The following SPIRE2 variants were observed in gnomAD, a reference collection of about 807,000 sequenced individuals.
SPIRE2 encodes protein spire homolog 2.
In SPIRE2, 76 loss-of-function variants were observed where a neutral mutation model predicts 80.7. The ratio of observed to expected loss-of-function variants is 0.94; its 90% CI spans 0.78 to 1.14. The LOEUF (loss-of-function observed/expected upper bound fraction) is 1.14, where lower values mean the gene tolerates loss of function less well. Among genes scored for constraint, SPIRE2 ranks in the 50% most tolerant of loss-of-function variants. The pLI, the probability that SPIRE2 is intolerant of heterozygous loss-of-function variation, is 0.00. For missense variants in SPIRE2, 1,196 were observed against 1,015.3 expected, an observed-to-expected ratio of 1.18 and a Z score of -2.42; for synonymous variants, 535 against 432.6, an observed-to-expected ratio of 1.24 and a Z score of -2.94.
Position 89,867,451 on chromosome 16 carries a change from G to A in SPIRE2, c.1779-738G>A, listed in dbSNP as rs184718691. On this transcript the variant is annotated intron_variant, in intron 12 of 14. Transcript: ENST00000378247. ...AGGCATCGCGCCTGGCCGACAGTGT[G>A]CAGTTTTTAAAGACCCTTGTAGGTT... Among the ~76,000 whole-genome samples, 405 of 151,602 alleles carry A rather than the reference G, an allele frequency of 2.7e-3. 2 individuals are homozygous for A. Among genetic ancestry groups the A allele is most frequent in the African/African-American group, 9.4e-3 (390 of 41,330 alleles).
At position 89,828,784 on chromosome 16, in the gene SPIRE2, C is replaced by CGAGGCCGCGGGT. The variant is rs2041351216; in HGVS notation, c.242_244+9dup. 1.7e-6 allele frequency: 2 copies of CGAGGCCGCGGGT among 1,183,170 alleles called. No individual in the cohort carries two copies. The highest frequency in any genetic ancestry group is 3.4e-4 in the Middle Eastern group (1 of 2,942). The allele number at this position is 1,183,170 out of a possible 1,614,324, so 73.3% of individuals were successfully genotyped here. ...ACGGCTCGGTCGGGGCGCGGGAGCC[C>CGAGGCCGCGGGT]GAGGCCGCGGGTGAGGCCGGGGGCG... On this transcript the variant is annotated inframe_insertion, in exon 1 of 15. Transcript: ENST00000378247. The surrounding 1 kb of genome is among the most constrained non-coding windows in gnomAD (Gnocchi z 5.9).
intron 12 of SPIRE2, among the ~76,000 whole-genome samples, chr16:89,867,844 C>G (rs1318219199): frequency 6.6e-6 from 1 of 152,180 alleles, no homozygotes; most frequent in African/African-American, 2.4e-5. Context: ...CTTGGCCTCC[C>G]AAAGTGCTGG....
intron 1 of SPIRE2, chr16:89,836,422 C>A: frequency 2.8e-6 from 1 of 351,164 alleles, no homozygotes; most frequent in South Asian, 2.1e-5. Context: ...GATCCTCCTC[C>A]ACTGTCTCCA....
intron 1 of SPIRE2, among the ~76,000 whole-genome samples, chr16:89,834,085 TG>T (rs1567668175): frequency 6.7e-6 from 1 of 150,260 alleles, no homozygotes; most frequent in Non-Finnish European, 1.5e-5. Flanking sequence ...TGAACCTGCC[TG>T]CGCTCGCGGT....
intron 1 of SPIRE2, among the ~76,000 whole-genome samples, chr16:89,841,375 G>C (rs990844884): frequency 3.3e-5 from 5 of 152,142 alleles, no homozygotes; most frequent in Admixed American, 3.3e-4. Context: ...GCCTCCGTCT[G>C]CTCTACCCTG....
rs746359878 is a variant in SPIRE2, at chr16:89,869,623, G to A, written c.1863G>A (p.Glu621=). ...TCCCTGTCTACACACTGGGCTTTGA[G>A]AGTCCTCAGAGGGTATCAGCTGCCA... The part of the protein sequence containing the change: ...GHIPVYTLGF[E]SPQRVSAAKT... The change falls in exon 14 of 15, where the codon GAG becomes GAA. Residue 621 remains glutamate, a synonymous_variant. Transcript: ENST00000378247. The A allele has an allele frequency of 6.2e-7, 1 of 1,614,200 alleles. No homozygotes were observed. The highest frequency in any genetic ancestry group is 1.1e-5 in the South Asian group (1 of 91,088).
chr16:89,853,871 C>T (rs1197981004), intron 3 of SPIRE2, among the ~76,000 whole-genome samples: 1 of 152,252 alleles, frequency 6.6e-6, no homozygotes, highest in Non-Finnish European at 1.5e-5. Flanking sequence ...CTCATCCACC[C>T]TCCCATCCAC....
rs761670655 is a variant in SPIRE2 at position 89,854,523 on chromosome 16, C to G, written c.763C>G (p.Arg255Gly). 1 of 1,612,572 alleles carries G rather than the reference C, an allele frequency of 6.2e-7. No homozygotes were observed. ...LWVQLMRELR[R>G]GVKLKKVQEQ... ...GGTTCAGCTCATGCGGGAGCTCCGCCGCGGAGTGAAGCTGAAGAAGGTGCA... is the reference window on the plus strand; with the variant it reads ...GGTTCAGCTCATGCGGGAGCTCCGCGGCGGAGTGAAGCTGAAGAAGGTGCA... The change falls in exon 5 of 15, where the codon CGC (arginine) becomes GGC (glycine). Residue 255 changes from arginine to glycine, a missense_variant. Physicochemically the swap from Arg to Gly is moderately radical, Grantham distance 125. Coordinates refer to ENST00000378247, the MANE Select transcript of SPIRE2 (RefSeq NM_032451.2).
rs201599277 is a variant in SPIRE2 at position 89,854,455 on chromosome 16, G to T, written c.727-32G>T. ...GGGGGGCCGTGGAGCTTCACCTGGG[G>T]CTGAGACCCATTCTCTTCCCCTGGG... On this transcript the variant is annotated intron_variant, in intron 4 of 14. Coordinates refer to ENST00000378247, the MANE Select transcript of SPIRE2 (RefSeq NM_032451.2). 13 of 1,611,308 alleles carry T rather than the reference G, an allele frequency of 8.1e-6. No homozygotes were observed. The African/African-American group carries it at 1.7e-4, about 21-fold the overall frequency.
intron 1 of SPIRE2, among the ~76,000 whole-genome samples, chr16:89,838,750 G>A (rs1567669871): frequency 1.3e-5 from 2 of 152,286 alleles, no homozygotes. Context: ...CCAACAGCCC[G>A]TGCTAGGAGT....
rs1309269343 is a variant in SPIRE2, at chr16:89,831,127, T to C, written c.244+2333T>C. ...GGTTTCACCGTGTTAGCCAGGATGG[T>C]CTCGATCTCCTGACCTCGTGATCTG... On this transcript the variant is annotated intron_variant, in intron 1 of 14. Transcript: ENST00000378247. 1.3e-5 allele frequency among the ~76,000 whole-genome samples: 2 copies of C among 150,508 alleles called. 1 individual carries two copies. Among genetic ancestry groups the C allele is most frequent in the Non-Finnish European group, 3.0e-5 (2 of 67,102 alleles).
intron 9 of SPIRE2, 66 bp from the exon 10 acceptor site, chr16:89,860,617 T>A (rs1242616994): frequency 2.7e-6 from 3 of 1,131,908 alleles, no homozygotes; most frequent in Middle Eastern, 3.9e-4. Context: ...TATCATCCCC[T>A]GGGCACAGTC....
At chr16:89,860,552 G>A (rs1356771234) in intron 9 of SPIRE2, 131 bp from the exon 10 acceptor site, 23 of 631,320 alleles carry the variant, frequency 3.6e-5, no homozygotes, top group Non-Finnish European at 4.4e-5. Flanking sequence ...GCTACTGCCC[G>A]GCCGCTTCTC....
At chr16:89,832,378 G>T (rs1028573367) in intron 1 of SPIRE2, among the ~76,000 whole-genome samples, 1 of 152,248 alleles carries the variant, frequency 6.6e-6, no homozygotes, top group Admixed American at 6.5e-5. Context: ...GTGCACATGA[G>T]TGTTTAGTTG....
intron 2 of SPIRE2, among the ~76,000 whole-genome samples, chr16:89,849,399 GGTT>G (rs1221668786): frequency 2.6e-5 from 4 of 152,120 alleles, no homozygotes; most frequent in Admixed American, 2.0e-4. Context: ...CTCGAGGTGA[GGTT>G]GGTACGTGAT....
intron 2 of SPIRE2, 75 bp from the exon 3 acceptor site, chr16:89,850,229 C>G (rs2041609022): frequency 2.3e-6 from 3 of 1,315,634 alleles, no homozygotes; most frequent in Non-Finnish European, 1.1e-6. Context: ...GCTGGGCCCT[C>G]TGCACCCACC....
chr16:89,853,704 C>T (rs1482833122), intron 3 of SPIRE2, among the ~76,000 whole-genome samples: 5 of 152,134 alleles, frequency 3.3e-5, no homozygotes, highest in South Asian at 2.1e-4. Flanking sequence ...TGCGTGCCAC[C>T]GAGATCGTGC....
Position 89,860,753 on chromosome 16 carries a change from AC to A in SPIRE2, c.1536del (p.Glu513ArgfsTer4). ...GCAACCGGGGCTCCTCGGGGGACAGACCCGAGGCCTCCATGACCCCCGATGC... is the reference window on the plus strand; with the variant it reads ...GCAACCGGGGCTCCTCGGGGGACAGACCGAGGCCTCCATGACCCCCGATGC... ...LSNRGSSGDRPEASMTPDAKH... is the reference protein window; with the variant it reads ...LSNRGSSGDRXEASMTPDAKH... On this transcript the variant is annotated frameshift_variant, in exon 10 of 15. Transcript: ENST00000378247. LOFTEE classifies it high-confidence loss of function. 6.4e-7 allele frequency: 1 copy of A among 1,574,674 alleles called. No homozygotes were observed. The highest frequency in any genetic ancestry group is 8.6e-7 in the Non-Finnish European group (1 of 1,162,056).
intron 2 of SPIRE2, chr16:89,845,803 C>G (rs2041553687): frequency 1.7e-6 from 1 of 585,410 alleles, no homozygotes; most frequent in Non-Finnish European, 3.0e-6. Flanking sequence ...CTCTCCCATT[C>G]ACCTGCCCTG....
Sources: allele counts gnomAD v4.1 joint callset (sites outside exome capture counted in the v4.1 genomes callset), GRCh38; gene constraint gnomAD v4.1.1; non-coding constraint Gnocchi (gnomAD v3.1); transcripts MANE v1.5; gene names NCBI Gene and HGNC (gene_info 2026-07-23, HGNC 2026-07-21).